Variants in CNTNAP2 observed in about 807,000 individuals in gnomAD.
CNTNAP2 encodes the protein contactin-associated protein-like 2.
Under a neutral mutation model 155.2 loss-of-function variants are expected in CNTNAP2, and 98 were observed. The ratio of observed to expected loss-of-function variants is 0.63; its 90% CI spans 0.54 to 0.75. The LOEUF (loss-of-function observed/expected upper bound fraction) is 0.75. Among genes scored for constraint, CNTNAP2 ranks in the 30% least tolerant of loss-of-function variants. The pLI is 0.00. For missense variants in CNTNAP2, 1,727 were observed against 1,688.1 expected (o/e 1.02, Z -0.40); for synonymous variants, 651 against 631.2 (o/e 1.03, Z -0.47).
chr7:146,643,196 G>T (rs1197403556), intron 1 of CNTNAP2, among the ~76,000 whole-genome samples: 17 of 148,694 alleles, frequency 1.1e-4, no homozygotes, highest in African/African-American at 3.5e-4. Context: ...GGCTTTTGTT[G>T]CCATTGCTTT....
At chr7:146,868,089 T>C (rs1324464266) in intron 3 of CNTNAP2, among the ~76,000 whole-genome samples, 1 of 152,178 alleles carries the variant, frequency 6.6e-6, no homozygotes, top group Non-Finnish European at 1.5e-5. Flanking sequence ...TTGTGAAATA[T>C]ATGCCCATTC....
At chr7:147,292,012 A>G (rs551756808) in intron 8 of CNTNAP2, among the ~76,000 whole-genome samples, 14 of 152,282 alleles carry the variant, frequency 9.2e-5, no homozygotes, top group African/African-American at 2.9e-4. Context: ...ACATGCACTG[A>G]AAATAATTTT....
At chr7:147,810,643 G>A (rs978066416) in intron 13 of CNTNAP2, among the ~76,000 whole-genome samples, 1 of 152,118 alleles carries the variant, frequency 6.6e-6, no homozygotes, top group African/African-American at 2.4e-5. Context: ...TTCTAAAAAA[G>A]CAGTCTTTTC....
At position 147,978,106 on chromosome 7, in the gene CNTNAP2, T is replaced by G. The variant is rs144014575; in HGVS notation, c.2383+117T>G. 7 of 1,359,114 alleles carry G rather than the reference T, an allele frequency of 5.2e-6. No individual in the cohort carries two copies. In the East Asian group the frequency reaches 1.7e-4, roughly 34 times the overall value. 84.2% of individuals were successfully genotyped at this position (1,359,114 alleles called of 1,614,324 possible). ...CTCTCCTGTAGCTCCTACAGAAACA[T>G]CACACAACCCAAGCAGAGATAACTT... is the stretch of plus-strand genomic sequence containing the variant. On this transcript the variant is annotated intron_variant, in intron 15 of 23. Transcript: ENST00000361727.
chr7:146,721,529 C>CTATATACATTATATATTCTA (rs1563203709), intron 1 of CNTNAP2, among the ~76,000 whole-genome samples: 136 of 106,454 alleles, frequency 1.3e-3, no homozygotes, highest in African/African-American at 4.7e-3. Context: ...TATATATATT[C>CTATATACATTATATATTCTA]TATATACATT....
chr7:147,546,422 T>A (rs1799734040), intron 11 of CNTNAP2, among the ~76,000 whole-genome samples: 1 of 152,214 alleles, frequency 6.6e-6, no homozygotes, highest in African/African-American at 2.4e-5. Flanking sequence ...CATTAAAAGC[T>A]GTTTATCAAG....
chr7:146,258,678 A>C (rs2129081123), intron 1 of CNTNAP2, among the ~76,000 whole-genome samples: 1 of 152,306 alleles, frequency 6.6e-6, no homozygotes, highest in Middle Eastern at 3.4e-3. Context: ...GTTTCTTCTG[A>C]AACCTGGTTC....
At chr7:147,451,638 C>T (rs902510016) in intron 10 of CNTNAP2, among the ~76,000 whole-genome samples, 2 of 151,966 alleles carry the variant, frequency 1.3e-5, no homozygotes, top group African/African-American at 2.4e-5. Context: ...GACGCCACAG[C>T]TCTGCCCATC....
chr7:147,245,004 G>GA (rs1233210673), intron 8 of CNTNAP2, among the ~76,000 whole-genome samples: 1 of 152,092 alleles, frequency 6.6e-6, no homozygotes, highest in Non-Finnish European at 1.5e-5. Flanking sequence ...AAAAGGCACT[G>GA]AAAACGAAAT....
chr7:147,693,362 T>C (rs73472824), intron 13 of CNTNAP2, among the ~76,000 whole-genome samples: 215 of 152,206 alleles, frequency 1.4e-3, no homozygotes, highest in African/African-American at 4.9e-3. Context: ...AAGATCACTT[T>C]GTCAACATTC....
chr7:148,381,831 G>A (rs2116655090), intron 21 of CNTNAP2, among the ~76,000 whole-genome samples: 1 of 151,370 alleles, frequency 6.6e-6, no homozygotes, highest in African/African-American at 2.4e-5. Flanking sequence ...GGAACCATCA[G>A]GTCCTGCAAA....
intron 10 of CNTNAP2, among the ~76,000 whole-genome samples, chr7:147,438,297 G>GT: frequency 6.6e-6 from 1 of 152,012 alleles, no homozygotes; most frequent in East Asian, 1.9e-4. Flanking sequence ...TCTATCCCCA[G>GT]TTTTTGAGAG....
chr7:147,000,669 A>G (rs946995276), intron 3 of CNTNAP2, among the ~76,000 whole-genome samples: 2 of 152,094 alleles, frequency 1.3e-5, no homozygotes, highest in Non-Finnish European at 2.9e-5. Context: ...ACTGGTCAGA[A>G]TTTTATGGAT....
chr7:146,135,228 A>G (rs1208454532), intron 1 of CNTNAP2, among the ~76,000 whole-genome samples: 2 of 152,154 alleles, frequency 1.3e-5, no homozygotes, highest in Non-Finnish European at 1.5e-5. Context: ...AATTTTAAAA[A>G]TATATAATTA....
intron 3 of CNTNAP2, among the ~76,000 whole-genome samples, chr7:146,863,242 T>TTTA (rs1416022383): frequency 6.6e-6 from 1 of 152,188 alleles, no homozygotes; most frequent in Non-Finnish European, 1.5e-5. Context: ...AAAAGTTTAA[T>TTTA]GTTTTCTCAA....
chr7:147,544,958 A>C (rs950924079), intron 11 of CNTNAP2, among the ~76,000 whole-genome samples: 3 of 152,024 alleles, frequency 2.0e-5, no homozygotes, highest in Admixed American at 2.0e-4. Context: ...TCTTTCCTTT[A>C]TAAATTACTC....
intron 13 of CNTNAP2, among the ~76,000 whole-genome samples, chr7:147,759,418 G>C (rs148477293): frequency 1.3e-5 from 2 of 152,100 alleles, no homozygotes; most frequent in Non-Finnish European, 2.9e-5. Context: ...GAGTACCTCC[G>C]GTTTACCATT....
At chr7:146,915,729 C>A (rs1796380058) in intron 3 of CNTNAP2, 1 of 152,046 alleles carries the variant, frequency 6.6e-6, no homozygotes, top group African/African-American at 2.4e-5. Flanking sequence ...ATGTATGAGT[C>A]TTTAGGGTTT....
intron 21 of CNTNAP2, among the ~76,000 whole-genome samples, chr7:148,269,474 G>A (rs150667204): frequency 1.1e-3 from 170 of 152,256 alleles, no homozygotes; most frequent in East Asian, 4.6e-3. Context: ...CATGTTACAC[G>A]TGTAAATATA....
Sources: allele counts gnomAD v4.1 joint callset (sites outside exome capture counted in the v4.1 genomes callset), GRCh38; gene constraint gnomAD v4.1.1; transcripts MANE v1.5; gene names NCBI Gene and HGNC (gene_info 2026-07-23, HGNC 2026-07-21).